The following GJE1 variants were observed in gnomAD, a reference collection of about 807,000 sequenced individuals.
GJE1 encodes the protein gap junction protein epsilon 1.
In GJE1, 9 loss-of-function variants were observed where a neutral mutation model predicts 6.2. That is an observed-to-expected ratio of 1.45 (90% CI 0.87 to 2.52). GJE1 has a LOEUF of 2.52. Ranked by LOEUF, GJE1 falls within the 30% of genes most tolerant of loss-of-function variation. The pLI, the probability that GJE1 is intolerant of heterozygous loss-of-function variation, is 0.00. For missense variants in GJE1, 190 were observed against 87.7 expected, an observed-to-expected ratio of 2.17 and a Z score of -4.66; for synonymous variants, 65 against 30.1, an observed-to-expected ratio of 2.16 and a Z score of -3.80.
chr6:142,133,100 A>G lies in GJE1; in HGVS notation c.-59A>G, dbSNP rs558387676. On this transcript the variant is annotated 5_prime_UTR_variant, in exon 1 of 3. Coordinates refer to ENST00000450456, the Ensembl canonical transcript of GJE1. ...AAGAGTTTGATTCTGGCAGAAGCAA[A>G]CTGGCAATGTGGGTCAAGAATTAAC... 2.3e-4 allele frequency: 142 copies of G among 614,578 alleles called. 1 individual carries two copies. The African/African-American group carries it at 2.4e-3, about 10-fold the overall frequency. The allele number at this position is 614,578 out of a possible 1,614,324, so 38.1% of individuals were successfully genotyped here.
At chr6:142,135,133 C>A in exon 3 of GJE1, 1 of 272,374 alleles carries the variant, frequency 3.7e-6, no homozygotes, top group Non-Finnish European at 6.8e-6. Context: ...ATACACAGAA[C>A]TACTGTTAAT....
chr6:142,134,537 A>G lies in GJE1; in HGVS notation c.235-2A>G. The G allele has an allele frequency of 1.8e-6, 1 of 542,856 alleles. No homozygotes were observed. Among genetic ancestry groups the G allele is most frequent in the Non-Finnish European group, 3.2e-6 (1 of 309,698 alleles). The allele number at this position is 542,856 out of a possible 1,614,324, so 33.6% of individuals were successfully genotyped here. The stretch of plus-strand genomic sequence containing the variant: ...ATTTCTGACATACTTTAGGTGTTCT[A>G]GGCATTACAACTAGTTATTGTCCTG... On this transcript the variant is annotated splice_acceptor_variant, in intron 2 of 2. Transcript: ENST00000450456. LOFTEE classifies it high-confidence loss of function.
exon 2 of GJE1, chr6:142,133,987 A>C: frequency 1.4e-6 from 1 of 702,550 alleles, no homozygotes; most frequent in Non-Finnish European, 2.6e-6. Flanking sequence ...ACAAAAGAGA[A>C]GTAAACCTCT....
exon 2 of GJE1, chr6:142,133,871 G>T (rs1311720008): frequency 1.4e-6 from 1 of 697,610 alleles, no homozygotes; most frequent in Admixed American, 2.0e-5. Context: ...AACTGTGATT[G>T]GTCAATTCCA....
At chr6:142,133,690 T>A (rs925240221) in intron 1 of GJE1, among the ~76,000 whole-genome samples, 160 bp from the exon 2 acceptor site, 3 of 152,200 alleles carry the variant, frequency 2.0e-5, no homozygotes, top group African/African-American at 4.8e-5. Context: ...AGAAATCTCA[T>A]AATGCAGGAA....
At chr6:142,134,462 GT>G (rs1044148152) in intron 2 of GJE1, 76 bp from the exon 3 acceptor site, 17 of 457,206 alleles carry the variant, frequency 3.7e-5, no homozygotes, top group Admixed American at 1.5e-4. Context: ...AGTTAGTGGG[GT>G]TTTTTTAGTG....
chr6:142,134,780 T>C, exon 3 of GJE1: 3 of 692,878 alleles, frequency 4.3e-6, no homozygotes, highest in East Asian at 2.7e-5. Flanking sequence ...AACATGATTA[T>C]AAGATGCATG....
At chr6:142,134,409 G>A (rs1778208028) in intron 2 of GJE1, 130 bp from the exon 3 acceptor site, 1 of 449,180 alleles carries the variant, frequency 2.2e-6, no homozygotes, top group South Asian at 6.3e-5. Context: ...ACACATATAA[G>A]ATTTTTATGA....
At chr6:142,134,666 T>C (rs1308383702) in exon 3 of GJE1, 7 of 695,444 alleles carry the variant, frequency 1.0e-5, no homozygotes, top group Non-Finnish European at 1.8e-5. Flanking sequence ...CTCTCTGTTT[T>C]ATTAAGAATT....
chr6:142,135,143 T>C (rs1778228988), exon 3 of GJE1: 2 of 252,038 alleles, frequency 7.9e-6, no homozygotes, highest in Non-Finnish European at 1.5e-5. Context: ...CTACTGTTAA[T>C]TTATTTTTAA....
At chr6:142,133,939 T>C in exon 2 of GJE1, 1 of 702,594 alleles carries the variant, frequency 1.4e-6, no homozygotes, top group Non-Finnish European at 2.6e-6. Flanking sequence ...GCTTTGCAGT[T>C]TATGGGAATG....
intron 1 of GJE1, among the ~76,000 whole-genome samples, 153 bp downstream of exon 1, chr6:142,133,350 T>C (rs1582863092): frequency 6.6e-6 from 1 of 152,286 alleles, no homozygotes; most frequent in East Asian, 1.9e-4. Context: ...AATTTAAAAC[T>C]ATAAAGAGAA....
exon 2 of GJE1, chr6:142,133,907 A>T: frequency 2.8e-6 from 2 of 702,352 alleles, no homozygotes; most frequent in Non-Finnish European, 5.2e-6. Context: ...ATCGATCCGA[A>T]TATTCTTCCT....
exon 3 of GJE1, chr6:142,135,103 G>A (rs1414765319): frequency 6.0e-6 from 2 of 330,804 alleles, no homozygotes. Flanking sequence ...TTTTAATTTT[G>A]ATCACTTTTA....
chr6:142,133,354 A>C (rs1778180002), intron 1 of GJE1, among the ~76,000 whole-genome samples, 157 bp downstream of exon 1: 1 of 152,166 alleles, frequency 6.6e-6, no homozygotes, highest in South Asian at 2.1e-4. Flanking sequence ...TAAAACTATA[A>C]AGAGAAAAAT....
chr6:142,133,716 T>C, intron 1 of GJE1, 134 bp from the exon 2 acceptor site: 1 of 465,276 alleles, frequency 2.1e-6, no homozygotes, highest in Admixed American at 3.7e-5. Context: ...TTTGATTTGA[T>C]GATCTCTAAG....
At chr6:142,134,540 C>T (rs1313645727) in exon 3 of GJE1, 2 of 548,236 alleles carry the variant, frequency 3.6e-6, no homozygotes, top group Non-Finnish European at 6.4e-6. Context: ...GTGTTCTAGG[C>T]ATTACAACTA....
At chr6:142,134,616 A>C in exon 3 of GJE1, 1 of 678,638 alleles carries the variant, frequency 1.5e-6, no homozygotes, top group Non-Finnish European at 2.7e-6. Context: ...TCAATCAAGA[A>C]TGCATTCTTC....
chr6:142,133,888 T>G (rs1302093509), exon 2 of GJE1: 5 of 701,926 alleles, frequency 7.1e-6, no homozygotes, highest in Non-Finnish European at 1.3e-5. Flanking sequence ...TCCACACCCT[T>G]TTCTTTGGAT....
Sources: allele counts gnomAD v4.1 joint callset (sites outside exome capture counted in the v4.1 genomes callset), GRCh38; gene constraint gnomAD v4.1.1; transcripts MANE v1.5; gene names NCBI Gene and HGNC (gene_info 2026-07-23, HGNC 2026-07-21).